STPG2: variants seen among roughly 807,000 people sequenced by gnomAD.
STPG2 encodes sperm-tail PG-rich repeat-containing protein 2.
In STPG2, 56 loss-of-function variants were observed where a neutral mutation model predicts 54.2. The observed-to-expected ratio is 1.03, with a 90% CI of 0.83 to 1.29. The LOEUF (loss-of-function observed/expected upper bound fraction) is 1.29, where lower values mean the gene tolerates loss of function less well. STPG2 is among the 50% of genes most tolerant of loss of function. The probability of loss-of-function intolerance (pLI) is 0.00; values close to 1 mark genes in which losing one functional copy is unlikely to be tolerated. For missense variants in STPG2, 596 were observed against 544.9 expected (o/e 1.09, Z -0.93); for synonymous variants, 200 against 181.8 (o/e 1.10, Z -0.81).
chr4:97,586,931 T>C lies in STPG2; in HGVS notation c.1321-27814A>G, dbSNP rs186961995. On this transcript the variant is annotated intron_variant, in intron 10 of 10. Transcript: ENST00000295268. ...GATACACTCAATAGACTTTCCTTTTTCTCATGAGTTTTATAAATCACATTT... is the reference window on the plus strand; with the variant it reads ...GATACACTCAATAGACTTTCCTTTTCCTCATGAGTTTTATAAATCACATTT... Among the ~76,000 whole-genome samples, 38 of 152,032 alleles carry C rather than the reference T, an allele frequency of 2.5e-4. No homozygotes were observed. In the East Asian group the frequency reaches 7.1e-3, roughly 29 times the overall value.
In STPG2 at chr4:97,546,375, T is replaced by C. The variant is rs113716704; in HGVS notation, c.462+166324A>G. Among the ~76,000 whole-genome samples the C allele has an allele frequency of 4.6e-3, 698 of 152,166 alleles. 4 individuals carry two copies. Among genetic ancestry groups the C allele is most frequent in the Middle Eastern group, 0.021 (6 of 292 alleles). ...TACAGATAAAGAGTATATTGGTTCT[T>C]AACAATGCTTTTCCATGAAAAATCC... On this transcript the variant is annotated intron_variant, in intron 4 of 4. Transcript: ENST00000522676.
At chr4:97,959,311 A>G (rs1420893897) in intron 7 of STPG2, among the ~76,000 whole-genome samples, 1 of 152,166 alleles carries the variant, frequency 6.6e-6, no homozygotes, top group Non-Finnish European at 1.5e-5. Context: ...ACCTCAAAGA[A>G]CTAGAGAAAC....
intron 10 of STPG2, among the ~76,000 whole-genome samples, chr4:97,639,137 C>T (rs1721672488): frequency 6.6e-6 from 1 of 152,086 alleles, no homozygotes; most frequent in Admixed American, 6.5e-5. Context: ...AAATGTGGCA[C>T]ATATACACCA....
chr4:97,852,874 T>A (rs1451639978), intron 8 of STPG2, among the ~76,000 whole-genome samples: 2 of 148,818 alleles, frequency 1.3e-5, no homozygotes, highest in African/African-American at 5.0e-5. Context: ...GACACATAGA[T>A]TGTAGATCTC....
intron 4 of STPG2, among the ~76,000 whole-genome samples, chr4:97,447,190 C>T (rs1244362022): frequency 6.6e-6 from 1 of 152,110 alleles, no homozygotes; most frequent in Non-Finnish European, 1.5e-5. Context: ...TTTGCTCCTG[C>T]CCTGGAAATC....
intron 6 of STPG2, among the ~76,000 whole-genome samples, chr4:97,975,617 A>T (rs771140035): frequency 9.2e-5 from 14 of 152,160 alleles, no homozygotes; most frequent in South Asian, 2.1e-4. Flanking sequence ...AATTCTAGTG[A>T]GCAGCAATAT....
chr4:97,964,585 TAA>T (rs1206416327), intron 7 of STPG2, among the ~76,000 whole-genome samples: 1 of 152,162 alleles, frequency 6.6e-6, no homozygotes, highest in African/African-American at 2.4e-5. Flanking sequence ...AACTAATATC[TAA>T]ATTATAAGAA....
At chr4:97,737,594 T>G (rs1019977983) in intron 9 of STPG2, among the ~76,000 whole-genome samples, 29 of 152,164 alleles carry the variant, frequency 1.9e-4, no homozygotes, top group Admixed American at 3.3e-4. Flanking sequence ...TGTGATCAAC[T>G]GGAAGAAAGG....
intron 9 of STPG2, among the ~76,000 whole-genome samples, chr4:97,778,415 G>A (rs1197697883): frequency 6.6e-6 from 1 of 152,174 alleles, no homozygotes. Flanking sequence ...TGAGGCTTGA[G>A]TAGGTAAACA....
chr4:97,908,258 G>T (rs1174659938), intron 8 of STPG2, among the ~76,000 whole-genome samples: 2 of 152,030 alleles, frequency 1.3e-5, no homozygotes, highest in East Asian at 3.9e-4. Context: ...AAAAACACAT[G>T]AAAAAATGCT....
At chr4:97,919,659 A>AT (rs1442911484) in intron 8 of STPG2, among the ~76,000 whole-genome samples, 1 of 152,098 alleles carries the variant, frequency 6.6e-6, no homozygotes, top group African/African-American at 2.4e-5. Flanking sequence ...GGAACTGAAT[A>AT]TTTTTTTCAA....
chr4:97,445,742 T>C (rs911722362), intron 4 of STPG2, among the ~76,000 whole-genome samples: 4 of 152,194 alleles, frequency 2.6e-5, no homozygotes, highest in Non-Finnish European at 5.9e-5. Context: ...GATCTACTAC[T>C]CTAATAAGCA....
chr4:97,637,587 G>C (rs1437649351), intron 10 of STPG2, among the ~76,000 whole-genome samples: 1 of 152,154 alleles, frequency 6.6e-6, no homozygotes, highest in Non-Finnish European at 1.5e-5. Context: ...TGTATATCTA[G>C]AAAACTCCAT....
At chr4:97,750,557 A>AG (rs1248666655) in intron 9 of STPG2, among the ~76,000 whole-genome samples, 1 of 151,738 alleles carries the variant, frequency 6.6e-6, no homozygotes, top group African/African-American at 2.4e-5. Context: ...ACTGATGTTA[A>AG]GGGAGGAGAG....
chr4:98,044,244 C>G (rs1179588127), intron 5 of STPG2, among the ~76,000 whole-genome samples: 1 of 152,132 alleles, frequency 6.6e-6, no homozygotes, highest in Non-Finnish European at 1.5e-5. Flanking sequence ...ATACTACTTT[C>G]TTTTGATCTA....
chr4:98,020,017 C>T (rs1217532537), intron 5 of STPG2, among the ~76,000 whole-genome samples: 1 of 120,254 alleles, frequency 8.3e-6, no homozygotes, highest in Non-Finnish European at 1.8e-5. Context: ...ATTTCCTTCT[C>T]CTGCCTAATT....
chr4:97,799,178 T>C (rs1377292478), intron 9 of STPG2, among the ~76,000 whole-genome samples: 2 of 149,066 alleles, frequency 1.3e-5, no homozygotes, highest in African/African-American at 5.0e-5. Flanking sequence ...ATTTAGCCCA[T>C]TTACATTTAA....
At chr4:97,908,899 C>A (rs1325199864) in intron 8 of STPG2, among the ~76,000 whole-genome samples, 58 of 150,544 alleles carry the variant, frequency 3.9e-4, no homozygotes, top group Non-Finnish European at 7.2e-4. Flanking sequence ...TAGCATTGGG[C>A]GATATACCTA....
Position 98,061,191 on chromosome 4 carries a change from C to T in STPG2, c.612+44762G>A, listed in dbSNP as rs561228854. Among the ~76,000 whole-genome samples the T allele has an allele frequency of 1.1e-3, 162 of 152,130 alleles. 1 individual carries two copies. Among genetic ancestry groups the T allele is most frequent in the Admixed American group, 1.8e-3 (27 of 15,282 alleles). ...CATCTGACAAAGGTCTAATATCTAG[C>T]ATCTATAAGGATGCTGTATTAGTTT... On this transcript the variant is annotated intron_variant, in intron 5 of 10. Transcript: ENST00000295268.
Sources: gnomAD v4.1 joint callset for allele counts (sites outside exome capture counted in the v4.1 genomes callset) on GRCh38, gnomAD v4.1.1 for gene constraint, MANE v1.5 for transcripts, NCBI Gene and HGNC (gene_info 2026-07-23, HGNC 2026-07-21) for gene names.